FBXL17: variants seen among roughly 807,000 people sequenced by gnomAD.
FBXL17 encodes the protein F-box and leucine rich repeat protein 17, also known as F-box/LRR-repeat protein 17.
FBXL17 carries 22 observed loss-of-function variants against 66.2 expected under a neutral mutation model. The ratio of observed to expected loss-of-function variants is 0.33; its 90% confidence interval spans 0.24 to 0.47. The LOEUF (loss-of-function observed/expected upper bound fraction) is 0.47. FBXL17 is among the 20% of genes least tolerant of loss of function. The pLI is 1.00. For missense variants in FBXL17, 878 were observed against 948.2 expected (o/e 0.93, Z 0.97); for synonymous variants, 474 against 400.5 (o/e 1.18, Z -2.19).
At chr5:108,320,583 AAAT>A (rs1759572238) in intron 4 of FBXL17, among the ~76,000 whole-genome samples, 22 of 151,838 alleles carry the variant, frequency 1.4e-4, no homozygotes, top group African/African-American at 5.3e-4. Flanking sequence ...TTAGGACTTT[AAAT>A]GTTTTGAGAA....
At chr5:108,121,777 T>A (rs951513209) in intron 6 of FBXL17, among the ~76,000 whole-genome samples, 3 of 152,294 alleles carry the variant, frequency 2.0e-5, no homozygotes, top group African/African-American at 7.2e-5. Context: ...CAGGATGGTC[T>A]TGATCTCCTG....
chr5:108,066,049 C>A (rs1035473620), intron 6 of FBXL17, among the ~76,000 whole-genome samples: 2 of 152,064 alleles, frequency 1.3e-5, no homozygotes, highest in Admixed American at 6.6e-5. Flanking sequence ...ATGGACTCCC[C>A]TCCTGATAAG....
chr5:108,007,694 A>C (rs74854125), intron 7 of FBXL17, among the ~76,000 whole-genome samples: 2,420 of 152,312 alleles, frequency 0.016, 66 homozygotes, highest in African/African-American at 0.055. Flanking sequence ...ACTTATGAAC[A>C]ATATTTAAAA....
chr5:107,971,218 C>T (rs1752359504), intron 7 of FBXL17, among the ~76,000 whole-genome samples: 1 of 152,128 alleles, frequency 6.6e-6, no homozygotes, highest in African/African-American at 2.4e-5. Flanking sequence ...ATTCACAAAG[C>T]ACACACAAGC....
In FBXL17 at chr5:108,364,981, C is replaced by A; in HGVS notation, c.1131G>T (p.Leu377Phe). Reference protein sequence around the residue: ...LSSRQQVTDELLEKIASRSQN... With the variant: ...LSSRQQVTDEFLEKIASRSQN... ...GACTTCTTGATGCAATTTTTTCCAA[C>A]AATTCATCAGTGACCTGTAAGAGAA... Residue 377 changes from leucine (L) to phenylalanine (F), a missense_variant, in exon 3 of 9, where the codon TTG becomes TTT. Physicochemically the swap from Leu to Phe is conservative, Grantham distance 22. Coordinates refer to ENST00000542267, the MANE Select transcript of FBXL17 (RefSeq NM_001163315.3). 1 of 1,609,124 alleles carries A rather than the reference C, an allele frequency of 6.2e-7. No homozygotes were observed. The highest frequency in any genetic ancestry group is 8.5e-7 in the Non-Finnish European group (1 of 1,176,474).
intron 4 of FBXL17, among the ~76,000 whole-genome samples, chr5:108,330,794 G>A (rs1474246327): frequency 6.6e-6 from 1 of 151,864 alleles, no homozygotes; most frequent in Non-Finnish European, 1.5e-5. Context: ...ACATACATAT[G>A]CCCACATGAG....
chr5:108,000,573 G>A (rs1056109792), intron 7 of FBXL17, among the ~76,000 whole-genome samples: 12 of 152,092 alleles, frequency 7.9e-5, no homozygotes, highest in Non-Finnish European at 1.2e-4. Context: ...ATACTTGATG[G>A]AAAAATAAAT....
At chr5:107,933,734 G>C (rs1382999594) in intron 7 of FBXL17, among the ~76,000 whole-genome samples, 12 of 152,070 alleles carry the variant, frequency 7.9e-5, no homozygotes, top group African/African-American at 2.9e-4. Context: ...CAAAGTGTGA[G>C]GTAGTGTTAG....
intron 6 of FBXL17, among the ~76,000 whole-genome samples, chr5:108,135,010 T>A (rs534926015): frequency 4.6e-5 from 7 of 152,164 alleles, no homozygotes; most frequent in Admixed American, 3.3e-4. Flanking sequence ...CTGTTATCCC[T>A]TATGTTCCAA....
At chr5:108,177,242 G>T (rs1752826650) in intron 6 of FBXL17, among the ~76,000 whole-genome samples, 1 of 152,002 alleles carries the variant, frequency 6.6e-6, no homozygotes. Context: ...ACACAAAAAT[G>T]GGCAAAATTT....
chr5:108,269,392 C>T (rs899566923), intron 4 of FBXL17, among the ~76,000 whole-genome samples: 15 of 152,072 alleles, frequency 9.9e-5, no homozygotes, highest in African/African-American at 3.6e-4. Flanking sequence ...AGCAACAGTA[C>T]TGACACCATT....
chr5:107,955,663 A>T lies in FBXL17; in HGVS notation c.1822+65262T>A, dbSNP rs1193138905. On this transcript the variant is annotated intron_variant, in intron 7 of 8. Transcript: ENST00000542267. ...AAATGCACTGGCTTATGGAAAAACT[A>T]ATTTTGTAAACTAAAAATTTGTCTC... 2.0e-5 allele frequency among the ~76,000 whole-genome samples: 3 copies of T among 152,318 alleles called. No homozygotes were observed. In the East Asian group the frequency reaches 5.8e-4, roughly 29 times the overall value.
At chr5:108,372,104 T>C (rs1047154456) in intron 1 of FBXL17, among the ~76,000 whole-genome samples, 1 of 152,228 alleles carries the variant, frequency 6.6e-6, no homozygotes, top group Non-Finnish European at 1.5e-5. Context: ...TTTCCTCTCA[T>C]ATAATCCTGT....
intron 4 of FBXL17, among the ~76,000 whole-genome samples, chr5:108,257,431 T>C (rs556230066): frequency 2.2e-4 from 34 of 152,246 alleles, no homozygotes; most frequent in South Asian, 4.2e-4. Flanking sequence ...AGGCCGTAAA[T>C]GACAAAGGGA....
At chr5:107,913,622 C>T (rs1038756231) in intron 7 of FBXL17, among the ~76,000 whole-genome samples, 2 of 151,976 alleles carry the variant, frequency 1.3e-5, no homozygotes, top group South Asian at 2.1e-4. Flanking sequence ...CTCTTGACTG[C>T]ACTGCATCCT....
chr5:108,172,468 G>C (rs1425854380), intron 6 of FBXL17, among the ~76,000 whole-genome samples: 3 of 152,276 alleles, frequency 2.0e-5, no homozygotes, highest in East Asian at 1.9e-4. Context: ...GCCAGAAATT[G>C]TGTCTATACT....
intron 6 of FBXL17, among the ~76,000 whole-genome samples, chr5:108,092,177 G>T (rs1258737920): frequency 1.3e-5 from 2 of 152,184 alleles, no homozygotes; most frequent in African/African-American, 4.8e-5. Flanking sequence ...CCTCCTCCTA[G>T]TATGCTGGAC....
chr5:107,994,872 C>G (rs771069195), intron 7 of FBXL17, among the ~76,000 whole-genome samples: 1 of 151,860 alleles, frequency 6.6e-6, no homozygotes, highest in East Asian at 1.9e-4. Context: ...AACACCTATA[C>G]AGATATTTCT....
At chr5:108,021,108 A>C (rs1246945606) in intron 6 of FBXL17, 107 bp from the exon 7 acceptor site, 9 of 733,154 alleles carry the variant, frequency 1.2e-5, no homozygotes, top group Middle Eastern at 5.3e-4. Flanking sequence ...CAGCTTCTTT[A>C]ATGGTGTTTC....
Sources: gnomAD v4.1 joint callset for allele counts (sites outside exome capture counted in the v4.1 genomes callset) on GRCh38, gnomAD v4.1.1 for gene constraint, MANE v1.5 for transcripts, NCBI Gene and HGNC (gene_info 2026-07-23, HGNC 2026-07-21) for gene names.